PHACTR3: variants seen among roughly 807,000 people sequenced by gnomAD.
PHACTR3 encodes phosphatase and actin regulator 3, also known as protein phosphatase 1, regulatory subunit 123.
PHACTR3 carries 16 observed loss-of-function variants against 66.8 expected under a neutral mutation model. The observed-to-expected ratio is 0.24, with a 90% CI of 0.16 to 0.36. The LOEUF is 0.36. PHACTR3 is among the 10% of genes least tolerant of loss of function. PHACTR3 has a pLI of 1.00. For synonymous variants in PHACTR3, 323 were observed against 292.1 expected, an observed-to-expected ratio of 1.11 and a Z score of -1.08; for missense variants, 647 against 719.9, an observed-to-expected ratio of 0.90 and a Z score of 1.16.
intron 1 of PHACTR3, among the ~76,000 whole-genome samples, chr20:59,742,858 T>C (rs1395353949): frequency 1.3e-5 from 2 of 152,140 alleles, no homozygotes; most frequent in Non-Finnish European, 2.9e-5. Context: ...GCGCGTCATA[T>C]GGCGGAAGGC....
intron 1 of PHACTR3, among the ~76,000 whole-genome samples, chr20:59,663,944 C>A (rs1355070273): frequency 6.6e-6 from 1 of 152,142 alleles, no homozygotes; most frequent in African/African-American, 2.4e-5. Context: ...CCAAACATAC[C>A]AACAAGAGTG....
chr20:59,665,455 C>T (rs1452152058), intron 1 of PHACTR3, among the ~76,000 whole-genome samples: 2 of 152,178 alleles, frequency 1.3e-5, no homozygotes, highest in Admixed American at 6.5e-5. Flanking sequence ...ACTTAAAGAA[C>T]CCGAAGGTCC....
At chr20:59,642,304 T>C (rs973899588) in intron 1 of PHACTR3, among the ~76,000 whole-genome samples, 2 of 130,426 alleles carry the variant, frequency 1.5e-5, no homozygotes, top group African/African-American at 6.7e-5. Flanking sequence ...TTCACTTTTA[T>C]TTCTTTTAGA....
At chr20:59,770,871 C>T (rs1180788793) in intron 5 of PHACTR3, among the ~76,000 whole-genome samples, 1 of 152,246 alleles carries the variant, frequency 6.6e-6, no homozygotes, top group Non-Finnish European at 1.5e-5. Flanking sequence ...GTTGGTAACG[C>T]TCAACTCTGC....
rs1024244105 is a variant in PHACTR3, at chr20:59,790,752, A to G, written c.1175-15289A>G. ...TTAAGTGGGAGTCTGTAAATTGTTA[A>G]TTGTGTAGAAGTAGGTCTGGAAGTA... On this transcript the variant is annotated intron_variant, in intron 7 of 12. Transcript: ENST00000371015. Among the ~76,000 whole-genome samples the G allele has an allele frequency of 3.3e-5, 5 of 152,366 alleles. No individual in the cohort carries two copies. In the East Asian group the frequency reaches 9.6e-4, roughly 29 times the overall value.
intron 7 of PHACTR3, among the ~76,000 whole-genome samples, chr20:59,776,542 G>A (rs1210809770): frequency 5.9e-5 from 9 of 152,108 alleles, no homozygotes; most frequent in Non-Finnish European, 8.8e-5. Context: ...CAGCCCCTGG[G>A]GAGGAGAGCC....
intron 8 of PHACTR3, among the ~76,000 whole-genome samples, chr20:59,822,872 T>G (rs114736210): frequency 0.055 from 8,303 of 152,188 alleles, 392 homozygotes; most frequent in African/African-American, 0.13. Context: ...TGTTCAGGTC[T>G]GGGACCCTGG....
intron 1 of PHACTR3, among the ~76,000 whole-genome samples, chr20:59,585,753 G>A (rs986081564): frequency 1.3e-5 from 2 of 152,202 alleles, no homozygotes; most frequent in Admixed American, 6.5e-5. Context: ...CCTCACCCGC[G>A]TGCAGAGGCC....
chr20:59,774,280 C>T lies in PHACTR3; in HGVS notation c.964C>T (p.Arg322Trp), dbSNP rs370673509. 3.7e-5 allele frequency: 59 copies of T among 1,606,566 alleles called. No individual in the cohort carries two copies. The highest frequency in any genetic ancestry group is 8.9e-5 in the East Asian group (4 of 44,816). Residue 322 changes from arginine to tryptophan, a missense_variant, in exon 7 of 13, where the codon CGG becomes TGG. Around this residue, in one of 2 missense-constraint regions of PHACTR3, gnomAD observed 577 missense variants for 571.1 expected, o/e 1.01. Coordinates refer to ENST00000371015, the MANE Select transcript of PHACTR3 (RefSeq NM_080672.5). Reference sequence around the variant, plus strand: ...AGAAAGTAAAGGGTCTCCAAAGAAGCGGCTGGATGTCCGTCTGTCGAGAAC... The same window carrying T: ...AGAAAGTAAAGGGTCTCCAAAGAAGTGGCTGGATGTCCGTCTGTCGAGAAC... The part of the protein sequence containing the change: ...GRESKGSPKK[R>W]LDVRLSRTSS...
intron 1 of PHACTR3, among the ~76,000 whole-genome samples, chr20:59,625,000 G>A (rs1041378183): frequency 1.3e-5 from 2 of 152,106 alleles, no homozygotes; most frequent in African/African-American, 4.8e-5. Flanking sequence ...TGGACATCAT[G>A]TACCTTCAGG....
chr20:59,840,762 T>G (rs1198278078), intron 10 of PHACTR3, among the ~76,000 whole-genome samples: 1 of 152,246 alleles, frequency 6.6e-6, no homozygotes, highest in Admixed American at 6.5e-5. Flanking sequence ...TACCTGGGTA[T>G]CAGTGTTTTA....
intron 3 of PHACTR3, among the ~76,000 whole-genome samples, chr20:59,752,233 C>T (rs1314291007): frequency 6.6e-6 from 1 of 152,228 alleles, no homozygotes; most frequent in African/African-American, 2.4e-5. Flanking sequence ...CCCACCTGTG[C>T]TTGCACTGTG....
At chr20:59,799,485 G>T (rs1046961353) in intron 7 of PHACTR3, among the ~76,000 whole-genome samples, 2 of 151,930 alleles carry the variant, frequency 1.3e-5, no homozygotes, top group Admixed American at 6.6e-5. Flanking sequence ...TAGTATCATT[G>T]TGCTCTCCTG....
At chr20:59,756,918 A>C (rs1356933480) in intron 4 of PHACTR3, among the ~76,000 whole-genome samples, 1 of 152,216 alleles carries the variant, frequency 6.6e-6, no homozygotes, top group African/African-American at 2.4e-5. Context: ...ATTGGAGTGA[A>C]CAGACAACCT....
At chr20:59,761,837 G>T (rs1168278680) in intron 4 of PHACTR3, among the ~76,000 whole-genome samples, 1 of 152,178 alleles carries the variant, frequency 6.6e-6, no homozygotes, top group Non-Finnish European at 1.5e-5. Context: ...TTTGTACAGT[G>T]TAGAAGCTTC....
At chr20:59,582,617 A>G (rs972541375) in intron 1 of PHACTR3, among the ~76,000 whole-genome samples, 1 of 152,206 alleles carries the variant, frequency 6.6e-6, no homozygotes, top group African/African-American at 2.4e-5. Flanking sequence ...AATTTTGCCA[A>G]TCCTCCAGAG....
At chr20:59,773,181 G>A (rs1163126982) in intron 5 of PHACTR3, 98 bp from the exon 6 acceptor site, 2 of 1,372,240 alleles carry the variant, frequency 1.5e-6, no homozygotes, top group African/African-American at 1.5e-5. Flanking sequence ...TGGAGGTGCA[G>A]GGGAGCGTCC....
At chr20:59,588,573 G>T (rs2033102506) in intron 1 of PHACTR3, among the ~76,000 whole-genome samples, 1 of 152,176 alleles carries the variant, frequency 6.6e-6, no homozygotes, top group Non-Finnish European at 1.5e-5. Context: ...CTCATGCTGG[G>T]GCAAGAGGCC....
intron 12 of PHACTR3, among the ~76,000 whole-genome samples, chr20:59,846,376 A>G (rs936420407): frequency 2.0e-5 from 3 of 152,152 alleles, no homozygotes; most frequent in African/African-American, 7.2e-5. Flanking sequence ...AATTATGCAA[A>G]GAGTTTGTTT....
Sources: allele counts gnomAD v4.1 joint callset (sites outside exome capture counted in the v4.1 genomes callset), GRCh38; gene constraint gnomAD v4.1.1; regional missense constraint gnomAD v4.1.1; transcripts MANE v1.5; gene names NCBI Gene and HGNC (gene_info 2026-07-23, HGNC 2026-07-21).